Variants in PAK1 observed in about 807,000 individuals in gnomAD.
PAK1 encodes the protein serine/threonine-protein kinase PAK 1.
In PAK1, 29 loss-of-function variants were observed where a neutral mutation model predicts 67.4. That is an observed-to-expected ratio of 0.43 (90% CI 0.32 to 0.59). PAK1 has a LOEUF of 0.59. PAK1 is among the 20% of genes least tolerant of loss of function. PAK1 has a pLI of 0.07. For missense variants in PAK1, 337 were observed against 670.7 expected (o/e 0.50, Z 5.50); for synonymous variants, 223 against 237.4 (o/e 0.94, Z 0.56).
chr11:77,397,941 C>T (rs1952059902), intron 1 of PAK1, among the ~76,000 whole-genome samples: 2 of 152,150 alleles, frequency 1.3e-5, no homozygotes, highest in Non-Finnish European at 2.9e-5. Context: ...TTTACTTATC[C>T]TTCCCAGCAA....
chr11:77,468,821 A>T (rs1244341644), intron 1 of PAK1, among the ~76,000 whole-genome samples: 1 of 152,186 alleles, frequency 6.6e-6, no homozygotes, highest in African/African-American at 2.4e-5. Context: ...TTAGAATTTT[A>T]AAATGTGGTT....
rs1226677488 is a variant in PAK1 at position 77,322,857 on chromosome 11, CAGAAA to C, written c.*412_*416del. 3 of 486,998 alleles carry C rather than the reference CAGAAA, an allele frequency of 6.2e-6. No individual in the cohort carries two copies. Among genetic ancestry groups the C allele is most frequent in the Non-Finnish European group, 1.1e-5 (3 of 274,356 alleles). The allele number at this position is 486,998 out of a possible 1,614,324, so 30.2% of individuals were successfully genotyped here. On this transcript the variant is annotated 3_prime_UTR_variant, in exon 15 of 15. Coordinates refer to ENST00000356341, the MANE Select transcript of PAK1 (RefSeq NM_002576.5). Reference sequence around the variant, plus strand: ...ATGAGGTGTCTGGGCAGTTGAGTCACAGAAAAGCAAGCACTAAAGAAATCTCAATT... The same window carrying C: ...ATGAGGTGTCTGGGCAGTTGAGTCACAGCAAGCACTAAAGAAATCTCAATT...
the PAK1 span, among the ~76,000 whole-genome samples, chr11:77,526,455 A>T: frequency 6.6e-6 from 1 of 152,246 alleles, no homozygotes; most frequent in Non-Finnish European, 1.5e-5. Flanking sequence ...CATAAGAGTA[A>T]CATTGTTTAT....
chr11:77,354,788 C>A (rs754220460), intron 7 of PAK1, among the ~76,000 whole-genome samples: 1 of 152,190 alleles, frequency 6.6e-6, no homozygotes, highest in Non-Finnish European at 1.5e-5. Context: ...GTCGCCAAAT[C>A]GGTCACATCA....
chr11:77,349,581 G>A, intron 8 of PAK1: 1 of 372,626 alleles, frequency 2.7e-6, no homozygotes, highest in Admixed American at 3.7e-5. Context: ...TTCCTCATTT[G>A]TAAAGTGGAC....
chr11:77,513,557 G>T, the PAK1 span, among the ~76,000 whole-genome samples: 1 of 149,640 alleles, frequency 6.7e-6, no homozygotes, highest in African/African-American at 2.5e-5. Context: ...TGTAGTCCCA[G>T]CTTCTAGGGA....
chr11:77,387,159 G>C (rs1950556829), intron 2 of PAK1, among the ~76,000 whole-genome samples: 1 of 147,020 alleles, frequency 6.8e-6, no homozygotes, highest in African/African-American at 2.6e-5. Context: ...TGCAACCTCT[G>C]CCGCCCAGAT....
the PAK1 span, among the ~76,000 whole-genome samples, chr11:77,501,501 C>T: frequency 6.6e-6 from 1 of 152,160 alleles, no homozygotes; most frequent in African/African-American, 2.4e-5. Context: ...GGGGAACCAC[C>T]CTTACCCCTT....
intron 1 of PAK1, among the ~76,000 whole-genome samples, chr11:77,397,863 AT>A (rs562328590): frequency 0.011 from 1,743 of 152,356 alleles, 17 homozygotes; most frequent in South Asian, 0.022. Flanking sequence ...GCAAGAGGAA[AT>A]TACCTAAGAT....
chr11:77,325,513 G>C (rs1034327346), intron 14 of PAK1: 1 of 849,702 alleles, frequency 1.2e-6, no homozygotes, highest in Non-Finnish European at 1.7e-6. Context: ...TTTATTACTA[G>C]TTATATTACT....
At chr11:77,346,452 G>A (rs150456517) in intron 9 of PAK1, among the ~76,000 whole-genome samples, 1 of 152,272 alleles carries the variant, frequency 6.6e-6, no homozygotes, top group East Asian at 1.9e-4. Flanking sequence ...CAAGCTCTCT[G>A]AGCCTCAGTC....
At chr11:77,482,233 C>T in the PAK1 span, among the ~76,000 whole-genome samples, 5 of 152,152 alleles carry the variant, frequency 3.3e-5, no homozygotes, top group Admixed American at 3.3e-4. Flanking sequence ...AGGTAATCCG[C>T]CAGCCTCAGC....
chr11:77,452,059 G>A (rs1473860906), intron 1 of PAK1, among the ~76,000 whole-genome samples: 1 of 152,198 alleles, frequency 6.6e-6, no homozygotes, highest in Non-Finnish European at 1.5e-5. Context: ...TACGTTCACA[G>A]AAATTAAGTG....
At chr11:77,454,536 G>A (rs1957000500) in intron 1 of PAK1, among the ~76,000 whole-genome samples, 1 of 151,678 alleles carries the variant, frequency 6.6e-6, no homozygotes, top group Admixed American at 6.6e-5. Flanking sequence ...TTTTTATCAG[G>A]TATTCATCCC....
the PAK1 span, among the ~76,000 whole-genome samples, chr11:77,511,388 ATCT>A: frequency 2.0e-5 from 3 of 152,174 alleles, no homozygotes; most frequent in South Asian, 2.1e-4. Context: ...CTGTCCTGCC[ATCT>A]TCTTTTCAGT....
rs115284491 is a variant in PAK1 at position 77,358,803 on chromosome 11, C to T, written c.597+95G>A. ...CAGCTCCAAAATCTAAGGACGCCTA[C>T]CAGAATATTAAACTTCTAGGTATCA... On this transcript the variant is annotated intron_variant, in intron 6 of 14. Coordinates refer to ENST00000356341, the MANE Select transcript of PAK1 (RefSeq NM_002576.5). The T allele has an allele frequency of 7.6e-4, 956 of 1,251,088 alleles. 10 individuals are homozygous for T. In the African/African-American group the frequency reaches 0.012, roughly 16 times the overall value. The allele number at this position is 1,251,088 out of a possible 1,614,324, so 77.5% of individuals were successfully genotyped here. A position where few individuals can be genotyped will look rare whatever the true frequency, so the allele number is the denominator to read the frequency against.
intron 3 of PAK1, 88 bp downstream of exon 3, chr11:77,379,806 G>GC: frequency 1.1e-6 from 1 of 885,982 alleles, no homozygotes; most frequent in Non-Finnish European, 1.8e-6. Flanking sequence ...AAAGATAGAA[G>GC]CATCAGGAAG....
chr11:77,365,767 A>C (rs1341810496), intron 5 of PAK1, among the ~76,000 whole-genome samples: 4 of 152,088 alleles, frequency 2.6e-5, no homozygotes, highest in African/African-American at 9.7e-5. Flanking sequence ...CAGGAGGCAG[A>C]GGTTGCAGTG....
At chr11:77,342,798 T>C (rs1943815810) in intron 10 of PAK1, among the ~76,000 whole-genome samples, 1 of 151,708 alleles carries the variant, frequency 6.6e-6, no homozygotes, top group Admixed American at 6.6e-5. Context: ...GGTCATGCAA[T>C]ATAAGAGGTA....
Sources: gnomAD v4.1 joint callset for allele counts (sites outside exome capture counted in the v4.1 genomes callset) on GRCh38, gnomAD v4.1.1 for gene constraint, MANE v1.5 for transcripts, NCBI Gene and HGNC (gene_info 2026-07-23, HGNC 2026-07-21) for gene names.